Variants in EED observed in about 807,000 individuals in gnomAD.
EED encodes the protein embryonic ectoderm development, also known as polycomb protein EED.
In EED, 9 loss-of-function variants were observed where a neutral mutation model predicts 61.0. The observed-to-expected ratio is 0.15, with a 90% CI of 0.09 to 0.26. EED has a LOEUF of 0.26. Among genes scored for constraint, EED ranks in the 10% least tolerant of loss-of-function variants. The pLI, the probability that EED is intolerant of heterozygous loss-of-function variation, is 1.00. For synonymous variants in EED, 187 were observed against 174.4 expected (o/e 1.07, Z -0.57); for missense variants, 315 against 542.3 (o/e 0.58, Z 4.16).
chr11:86,254,417 T>G, intron 3 of EED, among the ~76,000 whole-genome samples: 1 of 150,688 alleles, frequency 6.6e-6, no homozygotes, highest in East Asian at 1.9e-4. Flanking sequence ...GCCTCCTGGG[T>G]TCTAGCGATT....
chr11:86,250,226 C>G (rs1193297495), intron 1 of EED, 70 bp from the exon 2 acceptor site: 1 of 1,337,558 alleles, frequency 7.5e-7, no homozygotes, highest in African/African-American at 1.5e-5. Flanking sequence ...AGCATCTTCC[C>G]AGTAGAGTTA....
the EED span, chr11:86,284,643 G>C: frequency 1.3e-5 from 2 of 152,214 alleles, no homozygotes; most frequent in African/African-American, 4.8e-5. Flanking sequence ...AGGATTCTTG[G>C]ATTTCAGAAC....
At chr11:86,286,354 G>T in the EED span, among the ~76,000 whole-genome samples, 13 of 152,052 alleles carry the variant, frequency 8.5e-5, no homozygotes, top group African/African-American at 3.1e-4. Context: ...ATGACAAATA[G>T]GATGAAGTCT....
At chr11:86,269,929 G>A (rs1365920083) in intron 9 of EED, among the ~76,000 whole-genome samples, 2 of 152,116 alleles carry the variant, frequency 1.3e-5, no homozygotes, top group Non-Finnish European at 2.9e-5. Context: ...TCCAGTTCTG[G>A]GCTATTGCAA....
At chr11:86,262,057 T>C (rs1210132633) in intron 6 of EED, among the ~76,000 whole-genome samples, 1 of 152,200 alleles carries the variant, frequency 6.6e-6, no homozygotes, top group Non-Finnish European at 1.5e-5. Flanking sequence ...ATTTTATATA[T>C]TTTTTGAAGA....
chr11:86,272,061 T>G (rs796736387), intron 9 of EED, among the ~76,000 whole-genome samples: 3 of 107,764 alleles, frequency 2.8e-5, no homozygotes, highest in African/African-American at 1.2e-4. Context: ...GTGTGATTTT[T>G]TTTTTTTTTT....
At chr11:86,261,401 G>A (rs1945823427) in intron 6 of EED, among the ~76,000 whole-genome samples, 2 of 151,864 alleles carry the variant, frequency 1.3e-5, no homozygotes, top group East Asian at 2.0e-4. Context: ...GAGGCCTTGG[G>A]CAGCCCCATC....
chr11:86,277,880 T>G, intron 10 of EED, 38 bp from the exon 11 acceptor site: 1 of 1,496,900 alleles, frequency 6.7e-7, no homozygotes, highest in Non-Finnish European at 8.8e-7. Flanking sequence ...ACCTGGTAAT[T>G]TTATTAATTT....
intron 3 of EED, among the ~76,000 whole-genome samples, chr11:86,252,487 A>C (rs1312771850): frequency 6.7e-6 from 1 of 149,248 alleles, no homozygotes. Flanking sequence ...TTGTCTTCAT[A>C]AATACTTGGT....
At chr11:86,281,650 A>C (rs1298466272), downstream of EED, among the ~76,000 whole-genome samples, 1 of 152,036 alleles carries the variant, frequency 6.6e-6, no homozygotes, top group African/African-American at 2.4e-5. Context: ...ATCTTTATAT[A>C]TGTTTCTAGA....
chr11:86,245,047 A>G lies in EED; in HGVS notation c.-183A>G. On this transcript the variant is annotated 5_prime_UTR_variant, in exon 1 of 12. Transcript: ENST00000263360. ...CGCGCGCGCGCGCCCCTTTTTCAGC[A>G]GTGTGGCGGGGTCGCACGCACGCCC... 3 of 490,028 alleles carry G rather than the reference A, an allele frequency of 6.1e-6. No homozygotes were observed. Among genetic ancestry groups the G allele is most frequent in the Non-Finnish European group, 7.3e-6 (2 of 275,446 alleles). 30.4% of individuals were successfully genotyped at this position (490,028 alleles called of 1,614,324 possible).
Position 86,257,610 on chromosome 11 carries a change from A to T in EED, c.634+14A>T. 1 of 1,598,056 alleles carries T rather than the reference A, an allele frequency of 6.3e-7. No homozygotes were observed. The highest frequency in any genetic ancestry group is 8.5e-7 in the Non-Finnish European group (1 of 1,170,416). ...CAGTAAGTAAAGGTAAGTGAAGCAA[A>T]TGTTTCTTGAGTCTGTGCAATTTGT... On this transcript the variant is annotated intron_variant, in intron 6 of 11. Transcript: ENST00000263360.
At chr11:86,259,781 A>G (rs1945781223) in intron 6 of EED, among the ~76,000 whole-genome samples, 1 of 152,214 alleles carries the variant, frequency 6.6e-6, no homozygotes, top group South Asian at 2.1e-4. Flanking sequence ...GGAAATACAA[A>G]TCAAAACCAT....
rs944895576 is a variant in EED at position 86,250,633 on chromosome 11, T to C, written c.267+185T>C. Among the ~76,000 whole-genome samples the C allele has an allele frequency of 2.6e-5, 4 of 152,124 alleles. No homozygotes were observed. In the South Asian group the frequency reaches 8.3e-4, roughly 31 times the overall value. ...CTATTTTAGTCCATCCCATGTTTAG[T>C]TTTTTGGTTTTGTTTTTTGTTGTTT... On this transcript the variant is annotated intron_variant, in intron 2 of 11. Coordinates refer to ENST00000263360, the MANE Select transcript of EED (RefSeq NM_003797.5).
intron 9 of EED, among the ~76,000 whole-genome samples, chr11:86,271,624 T>C (rs1206060535): frequency 6.6e-6 from 1 of 152,254 alleles, no homozygotes; most frequent in African/African-American, 2.4e-5. Context: ...TGTTTTGTTT[T>C]GTAGATATTC....
intron 9 of EED, among the ~76,000 whole-genome samples, chr11:86,272,996 T>G (rs980268767): frequency 1.4e-4 from 21 of 152,328 alleles, no homozygotes; most frequent in Admixed American, 2.6e-4. Context: ...TAGTAACTCA[T>G]TAGTCTACTA....
At chr11:86,279,172 G>A (rs1266670686), downstream of EED, among the ~76,000 whole-genome samples, 1 of 152,128 alleles carries the variant, frequency 6.6e-6, no homozygotes, top group Non-Finnish European at 1.5e-5. Context: ...ATTCTACAGA[G>A]TTAGAACCTC....
chr11:86,276,776 A>T (rs17210343), intron 9 of EED: 6 of 381,704 alleles, frequency 1.6e-5, no homozygotes, highest in East Asian at 1.5e-4. Flanking sequence ...TGTATTATCG[A>T]ATTCTGTTGA....
chr11:86,258,657 G>C (rs2138169105), intron 6 of EED, among the ~76,000 whole-genome samples: 1 of 150,556 alleles, frequency 6.6e-6, no homozygotes, highest in Admixed American at 6.7e-5. Flanking sequence ...CCGGGTTTAA[G>C]AGATTCTCCT....
Sources: gnomAD v4.1 joint callset for allele counts (sites outside exome capture counted in the v4.1 genomes callset) on GRCh38, gnomAD v4.1.1 for gene constraint, MANE v1.5 for transcripts, NCBI Gene and HGNC (gene_info 2026-07-23, HGNC 2026-07-21) for gene names.